LPO: variants seen among roughly 807,000 people sequenced by gnomAD.
LPO encodes lactoperoxidase, also known as salivary peroxidase.
LPO carries 70 observed loss-of-function variants against 68.4 expected under a neutral mutation model. The observed-to-expected ratio is 1.02, with a 90% CI of 0.84 to 1.25. The LOEUF is 1.25. Ranked by LOEUF, LPO falls within the 50% of genes most tolerant of loss-of-function variation. The pLI, the probability that LPO is intolerant of heterozygous loss-of-function variation, is 0.00. For synonymous variants in LPO, 360 were observed against 357.6 expected (o/e 1.01, Z -0.08); for missense variants, 873 against 908.4 (o/e 0.96, Z 0.50).
intron 1 of LPO, among the ~76,000 whole-genome samples, chr17:58,240,497 C>T (rs114618189): frequency 2.6e-5 from 4 of 152,342 alleles, no homozygotes; most frequent in African/African-American, 9.6e-5. Flanking sequence ...CCTCTAGAAT[C>T]TTTCTGCACA....
In LPO at chr17:58,268,291, C is replaced by T. The variant is rs1221924747; in HGVS notation, c.*297C>T. On this transcript the variant is annotated 3_prime_UTR_variant, in exon 13 of 13. Coordinates refer to ENST00000262290, the MANE Select transcript of LPO (RefSeq NM_006151.3). ...CCTCTTCCCTCCACAAGTCTTGGCC[C>T]TTAACCTTTATCTTTCTTCCTGTCC... 1 of 420,190 alleles carries T rather than the reference C, an allele frequency of 2.4e-6. No individual in the cohort carries two copies. Among genetic ancestry groups the T allele is most frequent in the East Asian group, 5.0e-5 (1 of 20,032 alleles). The allele number at this position is 420,190 out of a possible 1,614,324, so 26.0% of individuals were successfully genotyped here. A position where few individuals can be genotyped will look rare whatever the true frequency, so the allele number is the denominator to read the frequency against.
At chr17:58,249,293 T>A in intron 5 of LPO, 116 bp downstream of exon 5, 1 of 996,878 alleles carries the variant, frequency 1.0e-6, no homozygotes, top group Non-Finnish European at 1.5e-6. Context: ...CCACCTGGGC[T>A]GGCGTTCCCA....
Position 58,239,560 on chromosome 17 carries a change from T to C in LPO, c.-3+821T>C, listed in dbSNP as rs138910537. 4.6e-3 allele frequency among the ~76,000 whole-genome samples: 704 copies of C among 152,212 alleles called. 6 individuals are homozygous for C. Among genetic ancestry groups the C allele is most frequent in the Middle Eastern group, 0.031 (9 of 294 alleles). On this transcript the variant is annotated intron_variant, in intron 1 of 12. Transcript: ENST00000262290. ...CCTGCAGGTGATGGGGCAAGAATTA[T>C]GGCTTTCCTATTGGCTCACTCCACC...
chr17:58,257,408 C>A (rs1182511482), intron 9 of LPO, among the ~76,000 whole-genome samples: 1 of 152,178 alleles, frequency 6.6e-6, no homozygotes, highest in Non-Finnish European at 1.5e-5. Flanking sequence ...TCTTTCTCTG[C>A]CTGGCATATT....
intron 1 of LPO, among the ~76,000 whole-genome samples, chr17:58,239,563 C>T (rs1969716786): frequency 6.6e-6 from 1 of 152,008 alleles, no homozygotes. Context: ...AGAATTATGG[C>T]TTTCCTATTG....
At chr17:58,266,433 TGAAA>T in intron 11 of LPO, 107 bp downstream of exon 11, 1 of 1,303,390 alleles carries the variant, frequency 7.7e-7, no homozygotes, top group Non-Finnish European at 1.0e-6. Context: ...TGATCAATTC[TGAAA>T]CAAAAGTCAG....
intron 3 of LPO, among the ~76,000 whole-genome samples, chr17:58,247,194 A>G (rs1298025397): frequency 6.6e-6 from 1 of 152,204 alleles, no homozygotes; most frequent in Non-Finnish European, 1.5e-5. Context: ...TTCTAGGATG[A>G]TGAAATGTTC....
At position 58,249,713 on chromosome 17, in the gene LPO, CG is replaced by C; in HGVS notation, c.573+22del. The C allele has an allele frequency of 6.5e-7, 1 of 1,547,122 alleles. No individual in the cohort carries two copies. Among genetic ancestry groups the C allele is most frequent in the Non-Finnish European group, 8.7e-7 (1 of 1,155,422 alleles). ...TCCCGCTGGTGAGGGCAGGCCGGGCCGGGGTGAAGGATGGGAGCCAGAGGGG... is the reference window on the plus strand; with the variant it reads ...TCCCGCTGGTGAGGGCAGGCCGGGCCGGGTGAAGGATGGGAGCCAGAGGGG... On this transcript the variant is annotated intron_variant, in intron 6 of 12. Coordinates refer to ENST00000262290, the MANE Select transcript of LPO (RefSeq NM_006151.3).
In LPO at chr17:58,254,746, T is replaced by C. The variant is rs1018803688; in HGVS notation, c.1106-65T>C. 7 of 1,549,086 alleles carry C rather than the reference T, an allele frequency of 4.5e-6. No homozygotes were observed. In the African/African-American group the frequency reaches 8.2e-5, roughly 18 times the overall value. Reference sequence around the variant, plus strand: ...GTCCTGTGGGGCACCATCATTTCTTTGTGCAGGTTACTGGGTCCTGGGGCT... The same window carrying C: ...GTCCTGTGGGGCACCATCATTTCTTCGTGCAGGTTACTGGGTCCTGGGGCT... On this transcript the variant is annotated intron_variant, in intron 8 of 12. Transcript: ENST00000262290.
At position 58,268,106 on chromosome 17, in the gene LPO, TG is replaced by T; in HGVS notation, c.*115del. 8.8e-7 allele frequency: 1 copy of T among 1,141,132 alleles called. No homozygotes were observed. The highest frequency in any genetic ancestry group is 2.5e-5 in the East Asian group (1 of 39,322). 70.7% of individuals were successfully genotyped at this position (1,141,132 alleles called of 1,614,324 possible). ...CCCAGTCCCAGCCCTTCTTTGCAGCTGGGCCTCTCTATACCCCTGGATGAAC... is the reference window on the plus strand; with the variant it reads ...CCCAGTCCCAGCCCTTCTTTGCAGCTGGCCTCTCTATACCCCTGGATGAAC... On this transcript the variant is annotated 3_prime_UTR_variant, in exon 13 of 13. Transcript: ENST00000262290.
At chr17:58,267,750 G>T (rs765385079) in intron 12 of LPO, 37 bp from the exon 13 acceptor site, 1 of 1,592,432 alleles carries the variant, frequency 6.3e-7, no homozygotes, top group Non-Finnish European at 8.6e-7. Flanking sequence ...GGGGCCAGCG[G>T]CCAGACTGTG....
At chr17:58,252,820 G>A (rs1357816356) in intron 8 of LPO, among the ~76,000 whole-genome samples, 1 of 151,826 alleles carries the variant, frequency 6.6e-6, no homozygotes. Flanking sequence ...TCACGAGATC[G>A]AGACCATCCT....
chr17:58,241,125 CTTTTTTTTTTTTTTT>C (rs1161572564), intron 1 of LPO, among the ~76,000 whole-genome samples: 3 of 91,306 alleles, frequency 3.3e-5, no homozygotes, highest in Non-Finnish European at 6.5e-5. Context: ...TTTCTTTTTT[CTTTTTTTTTTTTTTT>C]TTTTTTTTGA....
chr17:58,260,148 T>C (rs1418612707), intron 9 of LPO, among the ~76,000 whole-genome samples: 1 of 152,240 alleles, frequency 6.6e-6, no homozygotes, highest in Non-Finnish European at 1.5e-5. Context: ...TTATAAATGG[T>C]ATTACAGCTT....
Position 58,267,508 on chromosome 17 carries a change from TG to T in LPO, c.1855del (p.Val619TrpfsTer92). The T allele has an allele frequency of 6.2e-7, 1 of 1,614,178 alleles. No individual in the cohort carries two copies. The highest frequency in any genetic ancestry group is 8.5e-7 in the Non-Finnish European group (1 of 1,180,038). On this transcript the variant is annotated frameshift_variant, in exon 12 of 13. Transcript: ENST00000262290. LOFTEE classifies it high-confidence loss of function. ...DIWIGAIAEP[L>X]VERGRVGPLL... ...TGGATAGGGGCCATTGCTGAGCCGC[TG>T]GTGGAAAGGGGTCGGGTGGGGCCTC...
intron 5 of LPO, 26 bp downstream of exon 5, chr17:58,249,203 C>T (rs760968448): frequency 4.4e-6 from 7 of 1,588,176 alleles, no homozygotes; most frequent in Middle Eastern, 1.7e-4. Flanking sequence ...GTGTGGGGGC[C>T]GACCATTCCA....
chr17:58,249,147 A>C lies in LPO; in HGVS notation c.413A>C (p.Tyr138Ser). 6.2e-7 allele frequency: 1 copy of C among 1,614,002 alleles called. No homozygotes were observed. Among genetic ancestry groups the C allele is most frequent in the Non-Finnish European group, 8.5e-7 (1 of 1,179,962 alleles). Reference protein sequence around the residue: ...PVVRCDPCSPYRTITGDCNNR... With the variant: ...PVVRCDPCSPSRTITGDCNNR... ...GTGAGATGCGACCCGTGCAGCCCTTACCGCACCATTACGGGAGACTGCAAT... is the reference window on the plus strand; with the variant it reads ...GTGAGATGCGACCCGTGCAGCCCTTCCCGCACCATTACGGGAGACTGCAAT... Residue 138 changes from tyrosine (Y) to serine (S), a missense_variant, in exon 5 of 13, where the codon TAC becomes TCC. Transcript: ENST00000262290.
chr17:58,252,367 C>A lies in LPO; in HGVS notation c.966C>A (p.Asn322Lys), dbSNP rs184677751. The part of the protein sequence containing the change: ...SEPSLASRLR[N>K]LSSPLGLMAV... ...CAAGCCTGGCCAGCCGCCTCCGCAA[C>A]CTCAGCAGCCCCCTGGGCCTCATGG... The change falls in exon 8 of 13, where the codon AAC (asparagine) becomes AAA (lysine). Residue 322 changes from asparagine to lysine, a missense_variant. Coordinates refer to ENST00000262290, the MANE Select transcript of LPO (RefSeq NM_006151.3). 8 of 1,614,218 alleles carry A rather than the reference C, an allele frequency of 5.0e-6. No individual in the cohort carries two copies. In the Admixed American group the frequency reaches 1.2e-4, roughly 24 times the overall value.
In LPO at chr17:58,266,211, G is replaced by C. The variant is rs1970260423; in HGVS notation, c.1578G>C (p.Gln526His). 1 of 1,614,004 alleles carries C rather than the reference G, an allele frequency of 6.2e-7. No individual in the cohort carries two copies. The highest frequency in any genetic ancestry group is 1.1e-5 in the South Asian group (1 of 91,084). ...LLAKKSKLMKQNKMMTGELRN... is the reference protein window; with the variant it reads ...LLAKKSKLMKHNKMMTGELRN... Reference sequence around the variant, plus strand: ...CCAAGAAATCCAAGCTGATGAAACAGAATAAAATGATGACTGGAGAGCTGC... The same window carrying C: ...CCAAGAAATCCAAGCTGATGAAACACAATAAAATGATGACTGGAGAGCTGC... The change falls in exon 11 of 13, where the codon CAG becomes CAC. Residue 526 changes from glutamine to histidine, a missense_variant. By Grantham distance (24) the Gln-to-His change is conservative. Coordinates refer to ENST00000262290, the MANE Select transcript of LPO (RefSeq NM_006151.3).
Sources: allele counts gnomAD v4.1 joint callset (sites outside exome capture counted in the v4.1 genomes callset), GRCh38; gene constraint gnomAD v4.1.1; transcripts MANE v1.5; gene names NCBI Gene and HGNC (gene_info 2026-07-23, HGNC 2026-07-21).